Variants in TREML4 observed in about 807,000 individuals in gnomAD.
TREML4 encodes triggering receptor expressed on myeloid cells like 4, also known as trem-like transcript 4 protein.
A neutral mutation model predicts 25.4 loss-of-function variants in TREML4; 25 were observed. The ratio of observed to expected loss-of-function variants is 0.98; its 90% CI spans 0.72 to 1.37. The LOEUF is 1.37. TREML4 is among the 40% of genes most tolerant of loss of function. The pLI is 0.00. For missense variants in TREML4, 268 were observed against 236.5 expected, an observed-to-expected ratio of 1.13 and a Z score of -0.87; for synonymous variants, 92 against 87.9, an observed-to-expected ratio of 1.05 and a Z score of -0.26.
intron 4 of TREML4, among the ~76,000 whole-genome samples, chr6:41,230,325 G>A (rs1185626655): frequency 6.6e-6 from 1 of 152,208 alleles, no homozygotes; most frequent in African/African-American, 2.4e-5. Flanking sequence ...GTTAATTGTG[G>A]AGGAACCATG....
At chr6:41,232,375 A>G (rs1348252704) in intron 4 of TREML4, 1 of 416,112 alleles carries the variant, frequency 2.4e-6, no homozygotes, top group Non-Finnish European at 4.9e-6. Context: ...ATGGCAGCTA[A>G]GAGCAAAATG....
intron 4 of TREML4, 83 bp from the exon 5 acceptor site, chr6:41,236,403 G>T: frequency 8.3e-7 from 1 of 1,199,402 alleles, no homozygotes; most frequent in Non-Finnish European, 1.2e-6. Context: ...CCAGCTACAA[G>T]GGGCCTGCCT....
chr6:41,230,752 T>C (rs1318799720), intron 4 of TREML4, among the ~76,000 whole-genome samples: 1 of 152,108 alleles, frequency 6.6e-6, no homozygotes, highest in African/African-American at 2.4e-5. Context: ...AGTTTGAAGG[T>C]GAAACCCTAA....
At position 41,232,661 on chromosome 6, in the gene TREML4, C is replaced by T. The variant is rs578254612; in HGVS notation, c.506+2539C>T. On this transcript the variant is annotated intron_variant, in intron 4 of 5. Coordinates refer to ENST00000341495, the MANE Select transcript of TREML4 (RefSeq NM_198153.3). The stretch of plus-strand genomic sequence containing the variant: ...GAGCTCTGAGCTTGTTTTCCTGCAA[C>T]TAGACAGTCTTATCTGGGGGTGATG... 1.7e-4 allele frequency among the ~76,000 whole-genome samples: 26 copies of T among 152,220 alleles called. 1 individual carries two copies. The highest frequency in any genetic ancestry group is 5.5e-4 in the African/African-American group (23 of 41,530).
rs1049665216 is a variant in TREML4 at position 41,228,356 on chromosome 6, G to A, written c.-72G>A. 35 of 959,704 alleles carry A rather than the reference G, an allele frequency of 3.6e-5. No homozygotes were observed. Among genetic ancestry groups the A allele is most frequent in the Non-Finnish European group, 4.9e-5 (34 of 687,084 alleles). 59.4% of individuals were successfully genotyped at this position (959,704 alleles called of 1,614,324 possible). On this transcript the variant is annotated 5_prime_UTR_variant, in exon 1 of 6. Coordinates refer to ENST00000341495, the MANE Select transcript of TREML4 (RefSeq NM_198153.3). ...GGAACCTGGGGCAGAATCAGACCCAGCGTCTGACTCCTCCTGAGAGGGCTC... is the reference window on the plus strand; with the variant it reads ...GGAACCTGGGGCAGAATCAGACCCAACGTCTGACTCCTCCTGAGAGGGCTC...
intron 4 of TREML4, 27 bp from the exon 5 acceptor site, chr6:41,236,459 A>C (rs763152150): frequency 6.2e-6 from 10 of 1,606,300 alleles, no homozygotes; most frequent in Non-Finnish European, 7.7e-6. Context: ...GCCCAAGTCC[A>C]TCCTCCTTTC....
rs773731576 is a variant in TREML4, at chr6:41,229,514, T to C, written c.395-7T>C. The C allele has an allele frequency of 3.1e-6, 5 of 1,613,874 alleles. No individual in the cohort carries two copies. The highest frequency in any genetic ancestry group is 4.2e-6 in the Non-Finnish European group (5 of 1,179,864). ...GAGAGTCATTGTCTGCTGTCTTTTCTCTTTAGCCCCAACCACGTCTCCTAT... is the reference window on the plus strand; with the variant it reads ...GAGAGTCATTGTCTGCTGTCTTTTCCCTTTAGCCCCAACCACGTCTCCTAT... On this transcript the variant is annotated splice_polypyrimidine_tract_variant and splice_region_variant and intron_variant, in intron 2 of 5. Transcript: ENST00000341495.
At chr6:41,233,737 C>T (rs557775067) in intron 4 of TREML4, among the ~76,000 whole-genome samples, 1 of 151,696 alleles carries the variant, frequency 6.6e-6, no homozygotes, top group Non-Finnish European at 1.5e-5. Context: ...AGCCAAATAA[C>T]TAATAAATTC....
intron 4 of TREML4, chr6:41,232,231 C>A (rs1011299349): frequency 1.1e-5 from 2 of 177,300 alleles, no homozygotes; most frequent in Non-Finnish European, 2.5e-5. Flanking sequence ...TGCAAACATC[C>A]CCACTGAAAA....
At chr6:41,234,178 T>C (rs1766856158) in intron 4 of TREML4, among the ~76,000 whole-genome samples, 1 of 151,938 alleles carries the variant, frequency 6.6e-6, no homozygotes, top group Non-Finnish European at 1.5e-5. Context: ...TAGGAATGCA[T>C]AAGAGAAATA....
chr6:41,231,733 TG>T (rs1766804336), intron 4 of TREML4, among the ~76,000 whole-genome samples: 1 of 152,100 alleles, frequency 6.6e-6, no homozygotes, highest in South Asian at 2.1e-4. Flanking sequence ...TGGAAGGTCC[TG>T]GAAAGAACTG....
rs73431250 is a variant in TREML4 at position 41,229,179 on chromosome 6, T to C, written c.394+135T>C. 2,777 of 788,102 alleles carry C rather than the reference T, an allele frequency of 3.5e-3. 46 individuals carry two copies. The African/African-American group carries it at 0.039, about 11-fold the overall frequency. The allele number at this position is 788,102 out of a possible 1,614,324, so 48.8% of individuals were successfully genotyped here. On this transcript the variant is annotated intron_variant, in intron 2 of 5. Transcript: ENST00000341495. ...TGCTGTGGTCCAAGGGGAGCAAAGATCCTGTCCCCAAACATGGACTCTCAC... is the reference window on the plus strand; with the variant it reads ...TGCTGTGGTCCAAGGGGAGCAAAGACCCTGTCCCCAAACATGGACTCTCAC...
chr6:41,228,981 A>G lies in TREML4; in HGVS notation c.331A>G (p.Ile111Val), dbSNP rs779014188. Residue 111 changes from isoleucine (I) to valine (V), a missense_variant, in exon 2 of 6, where the codon ATC (isoleucine) becomes GTC (valine). Coordinates refer to ENST00000341495, the MANE Select transcript of TREML4 (RefSeq NM_198153.3). ...QNDSGFYWCG[I>V]YNASENIITV... ...TGACTCGGGATTCTACTGGTGTGGA[A>G]TCTACAACGCTTCCGAAAACATCAT... 16 of 1,614,194 alleles carry G rather than the reference A, an allele frequency of 9.9e-6. No individual in the cohort carries two copies. The highest frequency in any genetic ancestry group is 1.4e-5 in the Non-Finnish European group (16 of 1,180,006).
intron 3 of TREML4, among the ~76,000 whole-genome samples, chr6:41,229,829 G>A (rs955427869): frequency 1.3e-5 from 2 of 152,158 alleles, no homozygotes; most frequent in African/African-American, 2.4e-5. Context: ...GGAACACCTT[G>A]CACACGTGTG....
At chr6:41,229,992 TTTTGG>T in intron 3 of TREML4, 65 bp from the exon 4 acceptor site, 1 of 1,363,640 alleles carries the variant, frequency 7.3e-7, no homozygotes, top group Non-Finnish European at 1.1e-6. Flanking sequence ...CCTCTCACAC[TTTTGG>T]GACCCAATCC....
chr6:41,236,336 G>T (rs563660914), intron 4 of TREML4, 150 bp from the exon 5 acceptor site: 87 of 622,964 alleles, frequency 1.4e-4, no homozygotes, highest in Non-Finnish European at 2.4e-4. Context: ...AGACCTCTGT[G>T]GCTCCTGCCC....
chr6:41,233,018 T>C (rs1039919989), intron 4 of TREML4, among the ~76,000 whole-genome samples: 2 of 152,156 alleles, frequency 1.3e-5, no homozygotes, highest in East Asian at 1.9e-4. Flanking sequence ...CAGAAGCCCA[T>C]GAAAGAATGG....
At chr6:41,229,774 T>C in intron 3 of TREML4, 1 of 654,978 alleles carries the variant, frequency 1.5e-6, no homozygotes. Flanking sequence ...AAGATCGCCA[T>C]GTTCTCACGA....
chr6:41,236,276 C>G (rs539449417), intron 4 of TREML4, among the ~76,000 whole-genome samples: 1 of 152,296 alleles, frequency 6.6e-6, no homozygotes, highest in South Asian at 2.1e-4. Flanking sequence ...GCTTTTTCCT[C>G]CGTTCAAGAC....
Sources: allele counts gnomAD v4.1 joint callset (sites outside exome capture counted in the v4.1 genomes callset), GRCh38; gene constraint gnomAD v4.1.1; transcripts MANE v1.5; gene names NCBI Gene and HGNC (gene_info 2026-07-23, HGNC 2026-07-21).